Variants in NCKAP5 observed in about 807,000 individuals in gnomAD.
The protein encoded by NCKAP5 is NCK associated protein 5.
A neutral mutation model predicts 167.0 loss-of-function variants in NCKAP5; 92 were observed. That is an observed-to-expected ratio of 0.55 (90% CI 0.47 to 0.66). The LOEUF (loss-of-function observed/expected upper bound fraction) is 0.66. Among genes scored for constraint, NCKAP5 ranks in the 30% least tolerant of loss-of-function variants. NCKAP5 has a pLI of 0.00. For synonymous variants in NCKAP5, 891 were observed against 877.4 expected, an observed-to-expected ratio of 1.02 and a Z score of -0.27; for missense variants, 2,378 against 2,315.0, an observed-to-expected ratio of 1.03 and a Z score of -0.56.
intron 3 of NCKAP5, among the ~76,000 whole-genome samples, chr2:133,440,709 CAAAAAAAA>C (rs1174654151): frequency 1.2e-4 from 4 of 32,660 alleles, no homozygotes; most frequent in Admixed American, 4.9e-4. Flanking sequence ...GACTCTGTCT[CAAAAAAAA>C]AAAAAAAAAA....
intron 3 of NCKAP5, among the ~76,000 whole-genome samples, chr2:133,470,489 G>A (rs1160708537): frequency 6.6e-6 from 1 of 152,226 alleles, no homozygotes; most frequent in African/African-American, 2.4e-5. Flanking sequence ...GCCCCCAGAG[G>A]TGGAGCCTAC....
At chr2:133,475,528 T>C (rs1022767715) in intron 3 of NCKAP5, among the ~76,000 whole-genome samples, 3 of 152,198 alleles carry the variant, frequency 2.0e-5, no homozygotes, top group Non-Finnish European at 1.5e-5. Context: ...CTATCAAATA[T>C]CTGTTGAAGG....
intron 3 of NCKAP5, among the ~76,000 whole-genome samples, chr2:133,414,089 G>A (rs1346454786): frequency 6.6e-6 from 1 of 152,116 alleles, no homozygotes; most frequent in Non-Finnish European, 1.5e-5. Context: ...TGGGTTCCAA[G>A]AAAAATCAAT....
chr2:133,390,615 C>A (rs1687330131), intron 3 of NCKAP5, among the ~76,000 whole-genome samples: 1 of 152,200 alleles, frequency 6.6e-6, no homozygotes, highest in African/African-American at 2.4e-5. Context: ...GCCAGGACTG[C>A]CATCTCACCA....
chr2:133,042,885 T>C (rs188674954), intron 6 of NCKAP5, among the ~76,000 whole-genome samples: 2 of 152,206 alleles, frequency 1.3e-5, no homozygotes, highest in Admixed American at 6.5e-5. Context: ...CCCTAGATTG[T>C]ACACAGATAT....
At chr2:133,224,885 T>C (rs1159082004) in intron 4 of NCKAP5, among the ~76,000 whole-genome samples, 3 of 152,236 alleles carry the variant, frequency 2.0e-5, no homozygotes, top group African/African-American at 4.8e-5. Context: ...TTCCTTGAGA[T>C]ATATACTTCT....
At chr2:133,311,969 T>G (rs942473349) in intron 3 of NCKAP5, among the ~76,000 whole-genome samples, 2 of 152,234 alleles carry the variant, frequency 1.3e-5, no homozygotes, top group Non-Finnish European at 2.9e-5. Context: ...AAGTGCGTTT[T>G]TCTAATCTTG....
intron 5 of NCKAP5, among the ~76,000 whole-genome samples, chr2:133,134,260 T>C (rs2082708714): frequency 1.3e-5 from 2 of 152,244 alleles, no homozygotes; most frequent in African/African-American, 4.8e-5. Context: ...TGCATCCCTG[T>C]TGATATCCAC....
intron 19 of NCKAP5, among the ~76,000 whole-genome samples, chr2:132,716,885 C>T (rs1394654684): frequency 1.3e-5 from 2 of 152,156 alleles, no homozygotes; most frequent in East Asian, 3.8e-4. Context: ...TGTCTGAGGG[C>T]ACAGTGGGTT....
At chr2:133,408,088 G>A (rs894735419) in intron 3 of NCKAP5, among the ~76,000 whole-genome samples, 6 of 152,270 alleles carry the variant, frequency 3.9e-5, no homozygotes, top group Middle Eastern at 3.4e-3. Context: ...CCCTGGAATA[G>A]TGCAGTCCAT....
chr2:133,060,799 A>G (rs577381502), intron 6 of NCKAP5, among the ~76,000 whole-genome samples: 4 of 152,308 alleles, frequency 2.6e-5, no homozygotes, highest in African/African-American at 9.6e-5. Context: ...ATTTATGAGG[A>G]GGCAGCATAT....
intron 8 of NCKAP5, among the ~76,000 whole-genome samples, chr2:132,886,866 G>T (rs1574520509): frequency 6.6e-6 from 1 of 152,092 alleles, no homozygotes; most frequent in Non-Finnish European, 1.5e-5. Flanking sequence ...CATGAATAAA[G>T]AAATGTGCAA....
At chr2:133,428,384 G>T (rs1345637600) in intron 3 of NCKAP5, among the ~76,000 whole-genome samples, 1 of 152,036 alleles carries the variant, frequency 6.6e-6, no homozygotes, top group East Asian at 1.9e-4. Context: ...TAATCAGTAA[G>T]TTACATTATT....
chr2:132,701,872 G>C (rs142956372), intron 19 of NCKAP5, among the ~76,000 whole-genome samples: 1 of 152,112 alleles, frequency 6.6e-6, no homozygotes, highest in Non-Finnish European at 1.5e-5. Context: ...GACAGCACTG[G>C]GTTCCCAGAG....
Position 133,517,890 on chromosome 2 carries a change from C to T in NCKAP5, c.-61-303G>A, listed in dbSNP as rs375779426. 5.3e-5 allele frequency among the ~76,000 whole-genome samples: 8 copies of T among 152,142 alleles called. No individual in the cohort carries two copies. In the East Asian group the frequency reaches 5.8e-4, roughly 11 times the overall value. On this transcript the variant is annotated intron_variant, in intron 2 of 19. Transcript: ENST00000409261. ...TTTCATGCCACACTTGCTCCACACCCGTCCTCTCTCTATCAGCCAGAATAA... is the reference window on the plus strand; with the variant it reads ...TTTCATGCCACACTTGCTCCACACCTGTCCTCTCTCTATCAGCCAGAATAA...
intron 19 of NCKAP5, among the ~76,000 whole-genome samples, chr2:132,683,545 T>C (rs1377900562): frequency 1.3e-5 from 2 of 152,190 alleles, no homozygotes; most frequent in African/African-American, 4.8e-5. Flanking sequence ...CACTGCTTTA[T>C]GGAAATCCAG....
intron 1 of NCKAP5, among the ~76,000 whole-genome samples, chr2:133,562,369 A>G (rs1369715500): frequency 6.6e-6 from 1 of 152,200 alleles, no homozygotes; most frequent in African/African-American, 2.4e-5. Context: ...ATGAGCATGT[A>G]TTACTTTGAC....
At chr2:133,148,150 A>C (rs549652275) in intron 5 of NCKAP5, among the ~76,000 whole-genome samples, 1 of 152,242 alleles carries the variant, frequency 6.6e-6, no homozygotes, top group African/African-American at 2.4e-5. Flanking sequence ...TGCCTCTGAA[A>C]GTGGTGTTCT....
intron 3 of NCKAP5, among the ~76,000 whole-genome samples, chr2:133,372,402 T>C (rs916171646): frequency 6.6e-6 from 1 of 152,212 alleles, no homozygotes; most frequent in Non-Finnish European, 1.5e-5. Flanking sequence ...TGTGGGATTT[T>C]AAGCCTGTAA....
Sources: allele counts gnomAD v4.1 joint callset (sites outside exome capture counted in the v4.1 genomes callset), GRCh38; gene constraint gnomAD v4.1.1; transcripts MANE v1.5; gene names NCBI Gene and HGNC (gene_info 2026-07-23, HGNC 2026-07-21).